The following ALOX15B variants were observed in gnomAD, a reference collection of about 807,000 sequenced individuals.
ALOX15B encodes arachidonate 15-lipoxygenase type B, also known as polyunsaturated fatty acid lipoxygenase ALOX15B.
In ALOX15B, 74 loss-of-function variants were observed where a neutral mutation model predicts 73.8. That is an observed-to-expected ratio of 1.00 (90% CI 0.83 to 1.22). ALOX15B has a LOEUF of 1.22. Ranked by LOEUF, ALOX15B falls within the 50% of genes most tolerant of loss-of-function variation. ALOX15B has a pLI of 0.00. For synonymous variants in ALOX15B, 353 were observed against 357.2 expected (o/e 0.99, Z 0.13); for missense variants, 896 against 859.9 (o/e 1.04, Z -0.52).
At chr17:8,042,644 G>A in intron 4 of ALOX15B, 137 bp from the exon 5 acceptor site, 1 of 1,338,646 alleles carries the variant, frequency 7.5e-7, no homozygotes, top group East Asian at 2.4e-5. Flanking sequence ...ATCCCACAGA[G>A]CAACAGCTAC....
At chr17:8,040,886 A>G (rs1468453005) in intron 3 of ALOX15B, among the ~76,000 whole-genome samples, 1 of 152,222 alleles carries the variant, frequency 6.6e-6, no homozygotes, top group Non-Finnish European at 1.5e-5. Flanking sequence ...TGGGACTTGG[A>G]GATAACAGAG....
rs894941755 is a variant in ALOX15B, at chr17:8,045,474, T to TC, written c.997-3dup. 1.2e-6 allele frequency: 2 copies of TC among 1,613,446 alleles called. No homozygotes were observed. Among genetic ancestry groups the TC allele is most frequent in the Admixed American group, 1.7e-5 (1 of 59,966 alleles). The stretch of plus-strand genomic sequence containing the variant: ...ATGGCTGCCTCTCTCCCCACCTGCC[T>TC]CCCCCCAGCTCAGCCAGACCCCCGG... On this transcript the variant is annotated splice_polypyrimidine_tract_variant and intron_variant, in intron 7 of 13. Transcript: ENST00000380183.
chr17:8,039,479 C>G lies in ALOX15B; in HGVS notation c.241C>G (p.Pro81Ala). Residue 81 changes from proline (P) to alanine (A), a missense_variant, in exon 2 of 14, where the codon CCC becomes GCC. Coordinates refer to ENST00000380183, the MANE Select transcript of ALOX15B (RefSeq NM_001141.3). ...KAPPVLPLLGPLAPDAWFCRW... is the reference protein window; with the variant it reads ...KAPPVLPLLGALAPDAWFCRW... ...GCCCCCAGTGCTGCCCCTGCTGGGG[C>G]CCCTGGCCCCGGATGCCTGGTTCTG... The G allele has an allele frequency of 6.3e-7, 1 of 1,591,024 alleles. No individual in the cohort carries two copies. The highest frequency in any genetic ancestry group is 8.5e-7 in the Non-Finnish European group (1 of 1,170,628).
chr17:8,044,061 C>T (rs569066901), intron 5 of ALOX15B, among the ~76,000 whole-genome samples: 6 of 136,426 alleles, frequency 4.4e-5, no homozygotes, highest in East Asian at 2.2e-4. Flanking sequence ...AGAGTCAGAC[C>T]CTGTAAAGAG....
chr17:8,041,309 A>G (rs1053144226), intron 3 of ALOX15B, among the ~76,000 whole-genome samples: 1 of 152,252 alleles, frequency 6.6e-6, no homozygotes, highest in Non-Finnish European at 1.5e-5. Flanking sequence ...TAGGAGGAAC[A>G]AATGAGAAAA....
intron 5 of ALOX15B, 77 bp from the exon 6 acceptor site, chr17:8,044,752 C>T: frequency 1.8e-6 from 2 of 1,129,806 alleles, no homozygotes; most frequent in South Asian, 1.5e-5. Flanking sequence ...GCTGGGGTAA[C>T]CCCGTCCCCG....
rs1173166862 is a variant in ALOX15B, at chr17:8,049,024, GC to G, written c.*460del. On this transcript the variant is annotated 3_prime_UTR_variant, in exon 14 of 14. Coordinates refer to ENST00000380183, the MANE Select transcript of ALOX15B (RefSeq NM_001141.3). ...GCAGTGGCTCATGCCCATAATCCCAGCACTTTGGGAGATGGAGGCGGGAAAA... is the reference window on the plus strand; with the variant it reads ...GCAGTGGCTCATGCCCATAATCCCAGACTTTGGGAGATGGAGGCGGGAAAA... The G allele has an allele frequency of 2.0e-5, 3 of 153,414 alleles. No homozygotes were observed. In the East Asian group the frequency reaches 5.8e-4, roughly 29 times the overall value. 9.5% of individuals were successfully genotyped at this position (153,414 alleles called of 1,614,324 possible). A position where few individuals can be genotyped will look rare whatever the true frequency, so the allele number is the denominator to read the frequency against.
At chr17:8,043,525 C>G (rs1006168787) in intron 5 of ALOX15B, among the ~76,000 whole-genome samples, 3 of 152,174 alleles carry the variant, frequency 2.0e-5, no homozygotes, top group African/African-American at 7.2e-5. Flanking sequence ...CTTTGTCGGC[C>G]ATGGCAGGAC....
At chr17:8,047,112 G>C (rs145214629) in intron 10 of ALOX15B, 36 bp downstream of exon 10, 1 of 1,611,708 alleles carries the variant, frequency 6.2e-7, no homozygotes, top group African/African-American at 1.3e-5. Context: ...AGGGCTGGTC[G>C]GGGACGTGGG....
At chr17:8,039,663 G>A in intron 2 of ALOX15B, 58 bp downstream of exon 2, 1 of 1,239,008 alleles carries the variant, frequency 8.1e-7, no homozygotes, top group Non-Finnish European at 1.1e-6. Flanking sequence ...TAGGGGACTG[G>A]GGGTTGGGGA....
At position 8,047,911 on chromosome 17, in the gene ALOX15B, A is replaced by G. The variant is rs1025391861; in HGVS notation, c.1847A>G (p.Asp616Gly). 1.9e-6 allele frequency: 3 copies of G among 1,613,972 alleles called. No homozygotes were observed. The highest frequency in any genetic ancestry group is 3.3e-5 in the Admixed American group (2 of 59,998). ...ALWLLSKEPG[D>G]QRPLGTYPDE... ...TGGTTGCTGAGCAAGGAGCCTGGAG[A>G]CCAAGTGAGTGTGGGGCTGGGGGCC... Residue 616 changes from aspartate to glycine, a missense_variant, in exon 13 of 14, where the codon GAC becomes GGC. By Grantham distance (94) the Asp-to-Gly change is moderately conservative. Coordinates refer to ENST00000380183, the MANE Select transcript of ALOX15B (RefSeq NM_001141.3).
chr17:8,040,601 G>GAAAGAAAGAA (rs1555638442), intron 3 of ALOX15B, among the ~76,000 whole-genome samples: 32 of 109,526 alleles, frequency 2.9e-4, no homozygotes, highest in East Asian at 1.4e-3. Flanking sequence ...AAGAAAGAGA[G>GAAAGAAAGAA]AGAAAGAAAG....
At position 8,045,000 on chromosome 17, in the gene ALOX15B, A is replaced by T. The variant is rs1158435366; in HGVS notation, c.848A>T (p.Glu283Val). 6.2e-7 allele frequency: 1 copy of T among 1,614,018 alleles called. No individual in the cohort carries two copies. Among genetic ancestry groups the T allele is most frequent in the African/African-American group, 1.3e-5 (1 of 74,998 alleles). ...GPGTSLQAEL[E>V]KGSLFLVDHG... ...GGGACCAGCTTGCAGGCTGAGCTAG[A>T]GGTGAGGGGTGCAGGGATCTTGGCT... Residue 283 changes from glutamate to valine, a missense_variant and splice_region_variant, in exon 6 of 14, where the codon GAG (glutamate) becomes GTG (valine). Glu to Val is a moderately radical substitution (Grantham distance 121, BLOSUM62 -2). Coordinates refer to ENST00000380183, the MANE Select transcript of ALOX15B (RefSeq NM_001141.3).
chr17:8,047,479 C>T (rs1362370945), intron 11 of ALOX15B, 85 bp from the exon 12 acceptor site: 1 of 1,581,710 alleles, frequency 6.3e-7, no homozygotes, highest in African/African-American at 1.3e-5. Context: ...CCCCGTGTCC[C>T]CCACCCTCAA....
Position 8,046,919 on chromosome 17 carries a change from G to C in ALOX15B, c.1300G>C (p.Gly434Arg). ...TCCTGTCTCTCAGTCCACAGGCATCGGCATTGAAGGCTTCTCTGAGTTGAT... is the reference window on the plus strand; with the variant it reads ...TCCTGTCTCTCAGTCCACAGGCATCCGCATTGAAGGCTTCTCTGAGTTGAT... The part of the protein sequence containing the change: ...GQVVDRSTGI[G>R]IEGFSELIQR... The change falls in exon 10 of 14, where the codon GGC becomes CGC. Residue 434 changes from glycine (G) to arginine (R), a missense_variant. Physicochemically the swap from Gly to Arg is moderately radical, Grantham distance 125 (BLOSUM62 -2). Transcript: ENST00000380183. 1.2e-6 allele frequency: 2 copies of C among 1,614,148 alleles called. No homozygotes were observed. Among genetic ancestry groups the C allele is most frequent in the Non-Finnish European group, 1.7e-6 (2 of 1,180,014 alleles).
chr17:8,039,995 G>A lies in ALOX15B; in HGVS notation c.449+12G>A. ...CAGGAGATGTACCAGTGAGGAGGGG[G>A]TTACTGATGGGGGAGGGTGTGCCCA... is the stretch of plus-strand genomic sequence containing the variant. On this transcript the variant is annotated intron_variant, in intron 3 of 13. Transcript: ENST00000380183. 6.2e-7 allele frequency: 1 copy of A among 1,612,210 alleles called. No individual in the cohort carries two copies. Among genetic ancestry groups the A allele is most frequent in the Admixed American group, 1.7e-5 (1 of 59,858 alleles).
At chr17:8,041,835 T>C (rs1256185207) in intron 3 of ALOX15B, among the ~76,000 whole-genome samples, 1 of 152,238 alleles carries the variant, frequency 6.6e-6, no homozygotes, top group Non-Finnish European at 1.5e-5. Flanking sequence ...TGAAACCTTC[T>C]GCGCAGCCCC....
intron 3 of ALOX15B, among the ~76,000 whole-genome samples, chr17:8,040,664 A>AAGAAAG (rs1976441470): frequency 2.0e-5 from 3 of 150,950 alleles, no homozygotes; most frequent in South Asian, 2.1e-4. Flanking sequence ...AAGAAAGAGA[A>AAGAAAG]AGAAACTGCT....
intron 13 of ALOX15B, 44 bp downstream of exon 13, chr17:8,047,959 G>C (rs1976659276): frequency 2.5e-6 from 4 of 1,599,372 alleles, no homozygotes; most frequent in Non-Finnish European, 3.4e-6. Flanking sequence ...ATTGGGGTAA[G>C]AGAGGGTGTG....
Sources: allele counts gnomAD v4.1 joint callset (sites outside exome capture counted in the v4.1 genomes callset), GRCh38; gene constraint gnomAD v4.1.1; transcripts MANE v1.5; gene names NCBI Gene and HGNC (gene_info 2026-07-23, HGNC 2026-07-21).